PLEKHA7: variants seen among roughly 807,000 people sequenced by gnomAD.
The protein encoded by PLEKHA7 is pleckstrin homology domain-containing family A member 7.
A neutral mutation model predicts 170.0 loss-of-function variants in PLEKHA7; 104 were observed. The ratio of observed to expected loss-of-function variants is 0.61; its 90% CI spans 0.52 to 0.72. The LOEUF (loss-of-function observed/expected upper bound fraction) is 0.72. PLEKHA7 is among the 30% of genes least tolerant of loss of function. The pLI, the probability that PLEKHA7 is intolerant of heterozygous loss-of-function variation, is 0.00. For missense variants in PLEKHA7, 1,615 were observed against 1,671.7 expected, an observed-to-expected ratio of 0.97 and a Z score of 0.59; for synonymous variants, 648 against 660.8, an observed-to-expected ratio of 0.98 and a Z score of 0.30.
At chr11:17,010,892 A>T (rs1865285498) in intron 3 of PLEKHA7, among the ~76,000 whole-genome samples, 1 of 151,926 alleles carries the variant, frequency 6.6e-6, no homozygotes, top group Non-Finnish European at 1.5e-5. Flanking sequence ...GAGAACAATT[A>T]CTCCCAAAAC....
intron 3 of PLEKHA7, among the ~76,000 whole-genome samples, chr11:16,976,986 T>C (rs1863109714): frequency 2.0e-5 from 3 of 152,136 alleles, no homozygotes; most frequent in African/African-American, 7.2e-5. Context: ...CAGCTATCTG[T>C]TTCTTCCTAC....
At chr11:16,870,423 G>A (rs1301394610) in intron 4 of PLEKHA7, among the ~76,000 whole-genome samples, 3 of 152,004 alleles carry the variant, frequency 2.0e-5, no homozygotes, top group Non-Finnish European at 4.4e-5. Context: ...CAGCTCAGGA[G>A]TTTGAGACCA....
Position 16,817,249 on chromosome 11 carries a change from G to C in PLEKHA7, c.1417C>G (p.Leu473Val), listed in dbSNP as rs779778999. 1 of 1,613,868 alleles carries C rather than the reference G, an allele frequency of 6.2e-7. No homozygotes were observed. The highest frequency in any genetic ancestry group is 8.5e-7 in the Non-Finnish European group (1 of 1,180,016). ...GAGGGGTGTCGGGTGCTCTTGGGAAGAGTCTGGTAGTTTTCTGGGAAGGAC... is the reference window on the plus strand; with the variant it reads ...GAGGGGTGTCGGGTGCTCTTGGGAACAGTCTGGTAGTTTTCTGGGAAGGAC... ...SLSFPENYQT[L>V]PKSTRHPSGG... The change falls in exon 11 of 27, where the codon CTT (leucine) becomes GTT (valine). Residue 473 changes from leucine to valine, a missense_variant. Coordinates refer to ENST00000531066, the MANE Select transcript of PLEKHA7 (RefSeq NM_001329630.2). The surrounding 1 kb of genome is among the most constrained non-coding windows in gnomAD (Gnocchi z 4.4).
chr11:16,821,654 G>A (rs928266005), intron 10 of PLEKHA7, among the ~76,000 whole-genome samples: 15 of 152,218 alleles, frequency 9.9e-5, no homozygotes, highest in Middle Eastern at 3.4e-3. Flanking sequence ...GAAAATGGAG[G>A]AGTTCCTTTA....
Position 16,790,847 on chromosome 11 carries a change from G to A in PLEKHA7, c.3003C>T (p.Ser1001=), listed in dbSNP as rs1280867626. 2 of 1,610,170 alleles carry A rather than the reference G, an allele frequency of 1.2e-6. No individual in the cohort carries two copies. Among genetic ancestry groups the A allele is most frequent in the Admixed American group, 3.4e-5 (2 of 59,586 alleles). ...ATLSGDMAQP[S]LGLVGPESRY... ...TGCTCTCAGGGCCCACAAGTCCTAG[G>A]GAGGGCTGGGCCATGTCCCCGCTGA... The change falls in exon 21 of 27, where the codon TCC becomes TCT. Residue 1001 remains serine, a synonymous_variant. Transcript: ENST00000531066.
At chr11:16,999,287 C>A (rs1422494405) in intron 3 of PLEKHA7, among the ~76,000 whole-genome samples, 1 of 151,910 alleles carries the variant, frequency 6.6e-6, no homozygotes, top group Non-Finnish European at 1.5e-5. Context: ...TGCTTGCCTT[C>A]TCTGGCTATT....
intron 17 of PLEKHA7, among the ~76,000 whole-genome samples, chr11:16,800,248 G>C (rs568025203): frequency 1.3e-5 from 2 of 152,172 alleles, no homozygotes; most frequent in Non-Finnish European, 2.9e-5. Flanking sequence ...TTGTGAGGGT[G>C]GGGTGGAAAC....
chr11:16,954,975 C>T (rs944302110), intron 3 of PLEKHA7, among the ~76,000 whole-genome samples: 5 of 152,212 alleles, frequency 3.3e-5, no homozygotes, highest in African/African-American at 7.2e-5. Flanking sequence ...CAGGCATGAG[C>T]CACCATGCCT....
intron 3 of PLEKHA7, among the ~76,000 whole-genome samples, chr11:16,886,643 G>A (rs977325184): frequency 2.0e-4 from 31 of 151,610 alleles, no homozygotes; most frequent in African/African-American, 6.8e-4. Flanking sequence ...CCCAGGAGGC[G>A]GAGGTTGCAG....
intron 3 of PLEKHA7, among the ~76,000 whole-genome samples, chr11:16,960,500 A>T (rs781018062): frequency 6.6e-6 from 1 of 152,138 alleles, no homozygotes; most frequent in Non-Finnish European, 1.5e-5. Context: ...AGAAACAAGC[A>T]CTGCAGAAGG....
At chr11:16,840,029 C>T (rs1851826443) in intron 9 of PLEKHA7, among the ~76,000 whole-genome samples, 1 of 152,090 alleles carries the variant, frequency 6.6e-6, no homozygotes, top group Admixed American at 6.5e-5. Flanking sequence ...AGGCTACTGG[C>T]AGAGTCTTTC....
intron 3 of PLEKHA7, among the ~76,000 whole-genome samples, chr11:16,987,642 C>T (rs1315101959): frequency 3.3e-5 from 5 of 152,184 alleles, no homozygotes; most frequent in African/African-American, 9.7e-5. Context: ...TACCCCACCC[C>T]TTTAAACAAG....
chr11:16,986,751 A>G (rs951871141), intron 3 of PLEKHA7, among the ~76,000 whole-genome samples: 1 of 151,972 alleles, frequency 6.6e-6, no homozygotes, highest in Non-Finnish European at 1.5e-5. Flanking sequence ...TATAAACCAG[A>G]GCTTCCACCA....
chr11:16,988,593 C>T (rs1208856696), intron 3 of PLEKHA7, among the ~76,000 whole-genome samples: 1 of 152,146 alleles, frequency 6.6e-6, no homozygotes, highest in African/African-American at 2.4e-5. Flanking sequence ...ATTACAGGCA[C>T]CCACCACCAT....
chr11:16,876,795 G>A (rs139321646), intron 3 of PLEKHA7, among the ~76,000 whole-genome samples: 69 of 152,204 alleles, frequency 4.5e-4, no homozygotes, highest in South Asian at 1.5e-3. Flanking sequence ...TTTTCTATTC[G>A]TATGTATTTT....
intron 3 of PLEKHA7, among the ~76,000 whole-genome samples, chr11:17,010,857 CA>C (rs1865281783): frequency 6.6e-6 from 1 of 151,992 alleles, no homozygotes; most frequent in Non-Finnish European, 1.5e-5. Context: ...AAACATTTTT[CA>C]TGTGGGGGGC....
At chr11:16,882,589 G>A (rs1177255654) in intron 3 of PLEKHA7, among the ~76,000 whole-genome samples, 1 of 152,190 alleles carries the variant, frequency 6.6e-6, no homozygotes, top group East Asian at 1.9e-4. Context: ...AACTGTTTTG[G>A]TCACAGAAGA....
intron 4 of PLEKHA7, among the ~76,000 whole-genome samples, chr11:16,863,797 G>T (rs900238449): frequency 6.6e-6 from 1 of 152,152 alleles, no homozygotes; most frequent in African/African-American, 2.4e-5. Flanking sequence ...CCTGCATGTG[G>T]CTCTTTTAGC....
intron 4 of PLEKHA7, among the ~76,000 whole-genome samples, chr11:16,857,580 T>C (rs971119018): frequency 6.6e-6 from 1 of 152,236 alleles, no homozygotes; most frequent in African/African-American, 2.4e-5. Context: ...CCTGGTCTTG[T>C]CTAACTCTTC....
Sources: allele counts gnomAD v4.1 joint callset (sites outside exome capture counted in the v4.1 genomes callset), GRCh38; gene constraint gnomAD v4.1.1; non-coding constraint Gnocchi (gnomAD v3.1); transcripts MANE v1.5; gene names NCBI Gene and HGNC (gene_info 2026-07-23, HGNC 2026-07-21).